MAMDC2: variants seen among roughly 807,000 people sequenced by gnomAD.
The protein encoded by MAMDC2 is MAM domain containing 2.
A neutral mutation model predicts 89.8 loss-of-function variants in MAMDC2; 57 were observed. The observed-to-expected ratio is 0.63, with a 90% CI of 0.51 to 0.79. The LOEUF (loss-of-function observed/expected upper bound fraction) is 0.79. MAMDC2 is among the 30% of genes least tolerant of loss of function. The pLI, the probability that MAMDC2 is intolerant of heterozygous loss-of-function variation, is 0.00. For synonymous variants in MAMDC2, 313 were observed against 293.4 expected, an observed-to-expected ratio of 1.07 and a Z score of -0.68; for missense variants, 800 against 820.6, an observed-to-expected ratio of 0.97 and a Z score of 0.31.
At chr9:70,081,234 T>C (rs894767150) in intron 2 of MAMDC2, among the ~76,000 whole-genome samples, 11 of 151,908 alleles carry the variant, frequency 7.2e-5, no homozygotes, top group African/African-American at 2.7e-4. Context: ...TGAGGTAATG[T>C]GGTTTGGTCT....
At chr9:70,200,779 G>A (rs1373291765) in intron 11 of MAMDC2, among the ~76,000 whole-genome samples, 1 of 150,792 alleles carries the variant, frequency 6.6e-6, no homozygotes, top group Non-Finnish European at 1.5e-5. Context: ...TCCCTTGTAA[G>A]TTGGATTCCT....
At chr9:70,224,226 G>GA (rs1241201342) in intron 12 of MAMDC2, among the ~76,000 whole-genome samples, 1 of 151,980 alleles carries the variant, frequency 6.6e-6, no homozygotes, top group Non-Finnish European at 1.5e-5. Context: ...AGTAAGAGGA[G>GA]AAAGAGAGAG....
chr9:70,122,054 A>G (rs1477946403), intron 5 of MAMDC2, among the ~76,000 whole-genome samples: 7 of 152,142 alleles, frequency 4.6e-5, no homozygotes, highest in African/African-American at 1.7e-4. Context: ...GAGATAGTAA[A>G]CTCATGATGA....
intron 2 of MAMDC2, among the ~76,000 whole-genome samples, chr9:70,097,974 C>T (rs578211108): frequency 9.2e-5 from 14 of 152,198 alleles, no homozygotes; most frequent in East Asian, 3.9e-4. Flanking sequence ...ATATGCCTTG[C>T]GAAACTCCAT....
At chr9:70,140,894 C>A (rs1164521104) in intron 8 of MAMDC2, among the ~76,000 whole-genome samples, 2 of 152,110 alleles carry the variant, frequency 1.3e-5, no homozygotes, top group Admixed American at 1.3e-4. Context: ...TTACAAGGAG[C>A]TTTTTGAAAC....
At chr9:70,105,367 G>A (rs555725244) in intron 2 of MAMDC2, among the ~76,000 whole-genome samples, 13 of 152,214 alleles carry the variant, frequency 8.5e-5, no homozygotes, top group African/African-American at 2.9e-4. Context: ...CCTGGAAAAC[G>A]TAGTGATTAA....
intron 11 of MAMDC2, among the ~76,000 whole-genome samples, chr9:70,201,963 G>C (rs1371503767): frequency 1.3e-5 from 2 of 149,846 alleles, no homozygotes; most frequent in Non-Finnish European, 3.0e-5. Context: ...TATTAGTCTT[G>C]CTAGCGGTCT....
chr9:70,054,569 T>C (rs1267616699), intron 2 of MAMDC2, among the ~76,000 whole-genome samples: 1 of 152,052 alleles, frequency 6.6e-6, no homozygotes, highest in Non-Finnish European at 1.5e-5. Flanking sequence ...AACTTTGAGA[T>C]GAAAGTTTTA....
chr9:70,103,961 G>A (rs1034633610), intron 2 of MAMDC2, among the ~76,000 whole-genome samples: 11 of 151,150 alleles, frequency 7.3e-5, no homozygotes, highest in African/African-American at 2.2e-4. Context: ...CAGCCTGGGC[G>A]GCACAGCAAG....
rs756434716 is a variant in MAMDC2 at position 70,170,531 on chromosome 9, A to G, written c.1551A>G (p.Thr517=). 3.1e-6 allele frequency: 5 copies of G among 1,613,184 alleles called. No homozygotes were observed. The highest frequency in any genetic ancestry group is 3.4e-6 in the Non-Finnish European group (4 of 1,179,848). Residue 517 remains threonine, a synonymous_variant, in exon 11 of 14, where the codon ACA becomes ACG. Coordinates refer to ENST00000377182, the MANE Select transcript of MAMDC2 (RefSeq NM_153267.5). ...GECTFEQDEC[T]FTQEKRNRSS... ...GTACTTTCGAGCAAGATGAATGTAC[A>G]TTTACTCAGGAGAAAAGAAACCGGA... is the stretch of plus-strand genomic sequence containing the variant.
chr9:70,164,605 A>G (rs1006866590), intron 9 of MAMDC2, among the ~76,000 whole-genome samples: 1 of 152,086 alleles, frequency 6.6e-6, no homozygotes, highest in Non-Finnish European at 1.5e-5. Flanking sequence ...TTTCTAAGGG[A>G]TATCACTTTA....
At chr9:70,115,113 G>A (rs1468662097) in intron 5 of MAMDC2, among the ~76,000 whole-genome samples, 2 of 152,142 alleles carry the variant, frequency 1.3e-5, no homozygotes, top group Non-Finnish European at 2.9e-5. Flanking sequence ...GACAATGGGA[G>A]GCCACACAGG....
At chr9:70,095,546 G>C (rs1004866621) in intron 2 of MAMDC2, among the ~76,000 whole-genome samples, 1 of 152,124 alleles carries the variant, frequency 6.6e-6, no homozygotes, top group Non-Finnish European at 1.5e-5. Flanking sequence ...TAGATAGCTG[G>C]GGGTTCCATT....
intron 9 of MAMDC2, among the ~76,000 whole-genome samples, chr9:70,160,784 C>T (rs545428176): frequency 3.3e-5 from 5 of 152,192 alleles, no homozygotes; most frequent in African/African-American, 1.2e-4. Context: ...TGAAAATCAG[C>T]CACAATCTAT....
intron 4 of MAMDC2, among the ~76,000 whole-genome samples, chr9:70,111,555 G>A (rs1307154428): frequency 6.6e-6 from 1 of 152,178 alleles, no homozygotes. Flanking sequence ...AATGGAGCCT[G>A]GCATATTGAG....
intron 2 of MAMDC2, chr9:70,094,039 C>G (rs1486904797): frequency 1.3e-5 from 2 of 152,162 alleles, no homozygotes; most frequent in Non-Finnish European, 2.9e-5. Flanking sequence ...ATGACAGACC[C>G]TATGACAAAG....
At chr9:70,188,797 G>T (rs2032818169) in intron 11 of MAMDC2, 1 of 87,958 alleles carries the variant, frequency 1.1e-5, no homozygotes. Flanking sequence ...AAAGAAGTGG[G>T]GTCTCACATG....
At chr9:70,217,345 T>C (rs752433876) in intron 11 of MAMDC2, 1 of 1,385,204 alleles carries the variant, frequency 7.2e-7, no homozygotes, top group South Asian at 1.2e-5. Flanking sequence ...GCAGATAAAC[T>C]GGACTGTCCT....
At chr9:70,076,384 G>A (rs1827534265) in intron 2 of MAMDC2, among the ~76,000 whole-genome samples, 1 of 151,234 alleles carries the variant, frequency 6.6e-6, no homozygotes, top group African/African-American at 2.4e-5. Context: ...TCACACTAGT[G>A]CACTTCAACC....
Sources: allele counts gnomAD v4.1 joint callset (sites outside exome capture counted in the v4.1 genomes callset), GRCh38; gene constraint gnomAD v4.1.1; transcripts MANE v1.5; gene names NCBI Gene and HGNC (gene_info 2026-07-23, HGNC 2026-07-21).